The following ERCC1 variants were observed in gnomAD, a reference collection of about 807,000 sequenced individuals.
ERCC1 encodes DNA excision repair protein ERCC-1.
A neutral mutation model predicts 37.6 loss-of-function variants in ERCC1; 36 were observed. The observed-to-expected ratio is 0.96, with a 90% CI of 0.73 to 1.26. The LOEUF is 1.26. Ranked by LOEUF, ERCC1 falls within the 50% of genes most tolerant of loss-of-function variation. The pLI is 0.00. For synonymous variants in ERCC1, 156 were observed against 162.1 expected, an observed-to-expected ratio of 0.96 and a Z score of 0.28; for missense variants, 349 against 376.5, an observed-to-expected ratio of 0.93 and a Z score of 0.60.
rs1465569258 is a variant in ERCC1 at position 45,421,312 on chromosome 19, A to G, written c.187T>C (p.Tyr63His). ...CCTTCCAGAGGCTGTGAGATGGCAT[A>G]TTCGGCGTAGGTCTGAGGGGCCGCC... ...AQAAPQTYAE[Y>H]AISQPLEGAG... The change falls in exon 3 of 10, where the codon TAT becomes CAT. Residue 63 changes from tyrosine to histidine, a missense_variant. Coordinates refer to ENST00000300853, the MANE Select transcript of ERCC1 (RefSeq NM_001983.4). 1 of 1,613,990 alleles carries G rather than the reference A, an allele frequency of 6.2e-7. No homozygotes were observed. Among genetic ancestry groups the G allele is most frequent in the African/African-American group, 1.3e-5 (1 of 74,910 alleles).
Position 45,414,492 on chromosome 19 carries a change from G to C in ERCC1, c.702+369C>G, listed in dbSNP as rs901718329. ...ACTCCATCTCAAAAAAAAAAAAAAG[G>C]AATTAGGCAGGTAATTGGGCAGAGG... On this transcript the variant is annotated intron_variant, in intron 7 of 9. Transcript: ENST00000300853. 4.9e-5 allele frequency: 17 copies of C among 345,216 alleles called. No homozygotes were observed. In the Admixed American group the frequency reaches 7.2e-4, roughly 15 times the overall value. The allele number at this position is 345,216 out of a possible 1,614,324, so 21.4% of individuals were successfully genotyped here.
chr19:45,419,143 C>A lies in ERCC1; in HGVS notation c.480G>T (p.Leu160=). ...PDYIHGRLQS[L]GKNFALRVLL... ...GGACCCGCAAGGCGAAGTTCTTCCCCAGGCTCTGCAGCCGCCCATGGATGT... is the reference window on the plus strand; with the variant it reads ...GGACCCGCAAGGCGAAGTTCTTCCCAAGGCTCTGCAGCCGCCCATGGATGT... Residue 160 remains leucine (L), a synonymous_variant, in exon 5 of 10, where the codon CTG becomes CTT. Coordinates refer to ENST00000300853, the MANE Select transcript of ERCC1 (RefSeq NM_001983.4). 1 of 1,596,766 alleles carries A rather than the reference C, an allele frequency of 6.3e-7. No individual in the cohort carries two copies. Among genetic ancestry groups the A allele is most frequent in the East Asian group, 2.3e-5 (1 of 44,342 alleles).
intron 4 of ERCC1, chr19:45,419,418 A>C: frequency 1.8e-6 from 1 of 547,656 alleles, no homozygotes; most frequent in Non-Finnish European, 3.3e-6. Flanking sequence ...TACCTAGAAG[A>C]CCAGACCCCT....
Position 45,421,395 on chromosome 19 carries a change from T to C in ERCC1, c.106-2A>G. On this transcript the variant is annotated splice_acceptor_variant, in intron 2 of 9. Coordinates refer to ENST00000300853, the MANE Select transcript of ERCC1 (RefSeq NM_001983.4). LOFTEE classifies it high-confidence loss of function. Reference sequence around the variant, plus strand: ...TGTAGATCGGAATAAGGGCTTGGCCTGTGGGGAGAAAGGGAGTTTGCAGGG... The same window carrying C: ...TGTAGATCGGAATAAGGGCTTGGCCCGTGGGGAGAAAGGGAGTTTGCAGGG... 1 of 1,548,078 alleles carries C rather than the reference T, an allele frequency of 6.5e-7. No homozygotes were observed. The highest frequency in any genetic ancestry group is 8.7e-7 in the Non-Finnish European group (1 of 1,145,532).
chr19:45,450,268 T>C (rs1423143726), intron 1 of ERCC1, among the ~76,000 whole-genome samples: 1 of 152,180 alleles, frequency 6.6e-6, no homozygotes, highest in African/African-American at 2.4e-5. Flanking sequence ...CAATCAATAT[T>C]GCACTAACAT....
chr19:45,422,451 A>G (rs539335708), intron 2 of ERCC1, among the ~76,000 whole-genome samples: 1 of 152,032 alleles, frequency 6.6e-6, no homozygotes, highest in East Asian at 1.9e-4. Flanking sequence ...ACCTCCTCAG[A>G]GAGGCCCTCC....
In ERCC1 at chr19:45,408,843, G is replaced by T; in HGVS notation, c.*832C>A. ...CTGTCCCCGACCAAAAAGAGAAAGA[G>T]GCAAAAGGGGACGGAAGGGATGGAG... is the stretch of plus-strand genomic sequence containing the variant. On this transcript the variant is annotated 3_prime_UTR_variant, in exon 10 of 10. Transcript: ENST00000300853. 1 of 1,614,136 alleles carries T rather than the reference G, an allele frequency of 6.2e-7. No individual in the cohort carries two copies. The highest frequency in any genetic ancestry group is 8.5e-7 in the Non-Finnish European group (1 of 1,180,042).
At chr19:45,431,604 G>A (rs1040692933) in intron 1 of ERCC1, among the ~76,000 whole-genome samples, 2 of 151,964 alleles carry the variant, frequency 1.3e-5, no homozygotes, top group Non-Finnish European at 2.9e-5. Flanking sequence ...TTGAACCCAG[G>A]AGGTGGAGGC....
At chr19:45,413,865 C>A in intron 8 of ERCC1, 98 bp downstream of exon 8, 1 of 1,575,278 alleles carries the variant, frequency 6.3e-7, no homozygotes, top group Non-Finnish European at 8.7e-7. Context: ...GCAGGACGGG[C>A]AAGGGGTGGG....
Position 45,408,863 on chromosome 19 carries a change from A to T in ERCC1, c.*812T>A. ...AAAGAGGCAAAAGGGGACGGAAGGG[A>T]TGGAGCCAGAGGAGGGGGTGACAGT... On this transcript the variant is annotated 3_prime_UTR_variant, in exon 10 of 10. Transcript: ENST00000300853. 6.2e-7 allele frequency: 1 copy of T among 1,614,182 alleles called. No individual in the cohort carries two copies. The highest frequency in any genetic ancestry group is 1.3e-5 in the African/African-American group (1 of 75,058).
rs754539828 is a variant in ERCC1, at chr19:45,409,151, G to A, written c.*524C>T. The A allele has an allele frequency of 6.2e-7, 1 of 1,613,080 alleles. No individual in the cohort carries two copies. Among genetic ancestry groups the A allele is most frequent in the African/African-American group, 1.3e-5 (1 of 74,860 alleles). ...GACGAAGAAAGAAAAACAGCAAGAT[G>A]CCACAGTGGAGCCAGAGACAGAGGT... On this transcript the variant is annotated 3_prime_UTR_variant, in exon 10 of 10. Coordinates refer to ENST00000300853, the MANE Select transcript of ERCC1 (RefSeq NM_001983.4).
intron 4 of ERCC1, among the ~76,000 whole-genome samples, chr19:45,419,996 TC>T (rs1164761154): frequency 6.7e-5 from 2 of 30,068 alleles, no homozygotes; most frequent in Non-Finnish European, 1.3e-4. Context: ...CCCCAGCCCC[TC>T]CTGCCTCAGA....
At chr19:45,450,879 G>A (rs1259784222) in intron 1 of ERCC1, among the ~76,000 whole-genome samples, 6 of 122,106 alleles carry the variant, frequency 4.9e-5, no homozygotes, top group Non-Finnish European at 8.1e-5. Context: ...CGCCGTCTCC[G>A]TGCGCCCGCC....
Position 45,432,421 on chromosome 19 carries a change from C to A in ERCC1, c.-7-9040G>T, listed in dbSNP as rs1974858908. ...AAGTAGCTAGGATTACAGGTTTACA[C>A]CACTGCACCCAGCTACTTTTAAATG... is the stretch of plus-strand genomic sequence containing the variant. On this transcript the variant is annotated intron_variant, in intron 1 of 8. Coordinates refer to the ERCC1 transcript ENST00000423698. 2.0e-5 allele frequency among the ~76,000 whole-genome samples: 3 copies of A among 152,082 alleles called. No individual in the cohort carries two copies. The South Asian group carries it at 6.2e-4, about 31-fold the overall frequency.
At chr19:45,443,863 G>A (rs1975185477) in intron 1 of ERCC1, among the ~76,000 whole-genome samples, 1 of 150,976 alleles carries the variant, frequency 6.6e-6, no homozygotes, top group Non-Finnish European at 1.5e-5. Flanking sequence ...TTCTTTCTCC[G>A]AACCGGCAAA....
At chr19:45,414,167 T>C (rs976887721) in intron 7 of ERCC1, 133 bp from the exon 8 acceptor site, 21 of 729,482 alleles carry the variant, frequency 2.9e-5, no homozygotes, top group Non-Finnish European at 5.1e-5. Context: ...AACGCTTTTT[T>C]TCCCAACTGA....
chr19:45,421,436 G>A (rs945521322), intron 2 of ERCC1, 43 bp from the exon 3 acceptor site: 5 of 1,448,898 alleles, frequency 3.5e-6, no homozygotes, highest in African/African-American at 1.4e-5. Context: ...GTTGGGGTGA[G>A]CAGAGGACAT....
intron 1 of ERCC1, among the ~76,000 whole-genome samples, chr19:45,437,218 C>T (rs968547258): frequency 5.3e-5 from 8 of 151,872 alleles, no homozygotes; most frequent in African/African-American, 9.7e-5. Context: ...CACTGCACTT[C>T]GGCCTGGGCG....
Position 45,408,363 on chromosome 19 carries a change from C to G in ERCC1, c.*1312G>C. 1.9e-6 allele frequency: 3 copies of G among 1,607,974 alleles called. No homozygotes were observed. Among genetic ancestry groups the G allele is most frequent in the Non-Finnish European group, 2.6e-6 (3 of 1,175,794 alleles). Reference sequence around the variant, plus strand: ...TCCCTGTCAGGGAGCCCTCTGCAGCCCATCCCAGCAAGTCCCCCACCACAG... The same window carrying G: ...TCCCTGTCAGGGAGCCCTCTGCAGCGCATCCCAGCAAGTCCCCCACCACAG... On this transcript the variant is annotated 3_prime_UTR_variant, in exon 10 of 10. Coordinates refer to ENST00000300853, the MANE Select transcript of ERCC1 (RefSeq NM_001983.4).
Sources: gnomAD v4.1 joint callset for allele counts (sites outside exome capture counted in the v4.1 genomes callset) on GRCh38, gnomAD v4.1.1 for gene constraint, MANE v1.5 for transcripts, NCBI Gene and HGNC (gene_info 2026-07-23, HGNC 2026-07-21) for gene names.